The following ACAA2 variants were observed in gnomAD, a reference collection of about 807,000 sequenced individuals.
ACAA2 encodes 3-ketoacyl-CoA thiolase, mitochondrial.
Under a neutral mutation model 44.8 loss-of-function variants are expected in ACAA2, and 35 were observed. That is an observed-to-expected ratio of 0.78 (90% CI 0.60 to 1.04). The LOEUF is 1.04. Among genes scored for constraint, ACAA2 ranks in the 50% least tolerant of loss-of-function variants. The pLI is 0.00. For missense variants in ACAA2, 468 were observed against 482.6 expected (o/e 0.97, Z 0.28); for synonymous variants, 142 against 166.5 (o/e 0.85, Z 1.13).
chr18:49,789,504 G>C (rs1162938333), intron 7 of ACAA2, among the ~76,000 whole-genome samples: 1 of 152,110 alleles, frequency 6.6e-6, no homozygotes, highest in Non-Finnish European at 1.5e-5. Flanking sequence ...TTGTACTTTA[G>C]GGCAAATATT....
intron 1 of ACAA2, among the ~76,000 whole-genome samples, chr18:49,803,852 T>C (rs2023583888): frequency 6.6e-6 from 1 of 151,628 alleles, no homozygotes; most frequent in African/African-American, 2.4e-5. Context: ...TAAGAGGGCA[T>C]ACTCTACTGC....
At chr18:49,787,233 TA>T in intron 8 of ACAA2, 57 bp downstream of exon 8, 1 of 1,220,516 alleles carries the variant, frequency 8.2e-7, no homozygotes. Context: ...ATTTATGCTA[TA>T]AAAGTACATG....
chr18:49,787,260 T>TTAAAAA lies in ACAA2; in HGVS notation c.954+30_954+31insTTTTTA. 2.9e-6 allele frequency: 3 copies of TTAAAAA among 1,028,160 alleles called. No homozygotes were observed. The South Asian group carries it at 6.7e-5, about 23-fold the overall frequency. 63.7% of individuals were successfully genotyped at this position (1,028,160 alleles called of 1,614,324 possible). ...AAAGTACATGGTTTATTCATGTTGT[T>TTAAAAA]AAAAAAAAAAAAAAAAAAAAAAACA... is the stretch of plus-strand genomic sequence containing the variant. On this transcript the variant is annotated intron_variant, in intron 8 of 9. Coordinates refer to ENST00000285093, the MANE Select transcript of ACAA2 (RefSeq NM_006111.3).
At chr18:49,793,153 G>C (rs1262487098) in intron 5 of ACAA2, among the ~76,000 whole-genome samples, 3 of 152,100 alleles carry the variant, frequency 2.0e-5, no homozygotes, top group Non-Finnish European at 4.4e-5. Flanking sequence ...ACTTAATAGT[G>C]ATAGGCAACC....
chr18:49,800,475 G>T lies in ACAA2; in HGVS notation c.183+2212C>A, dbSNP rs566748083. Among the ~76,000 whole-genome samples the T allele has an allele frequency of 2.6e-5, 4 of 152,328 alleles. No homozygotes were observed. In the South Asian group the frequency reaches 8.3e-4, roughly 32 times the overall value. ...AGAAAGGGGGGAAAGGTGGGGAAGGGATTGAGAAATCGGATGGTTGCCGTG... is the reference window on the plus strand; with the variant it reads ...AGAAAGGGGGGAAAGGTGGGGAAGGTATTGAGAAATCGGATGGTTGCCGTG... On this transcript the variant is annotated intron_variant, in intron 2 of 9. Transcript: ENST00000285093.
intron 5 of ACAA2, among the ~76,000 whole-genome samples, chr18:49,793,362 C>T (rs1217817569): frequency 1.3e-5 from 2 of 152,130 alleles, no homozygotes; most frequent in Non-Finnish European, 2.9e-5. Context: ...TTTAAAACAA[C>T]CTTATTAGAT....
At position 49,802,672 on chromosome 18, in the gene ACAA2, C is replaced by A. The variant is rs1353251227; in HGVS notation, c.183+15G>T. On this transcript the variant is annotated intron_variant, in intron 2 of 9. Transcript: ENST00000285093. ...AGAAGCAATAGGAGTGAACACCTTC[C>A]TTTACTCTACTAACCTGCAGGACAT... The A allele has an allele frequency of 6.2e-7, 1 of 1,607,224 alleles. No homozygotes were observed. The highest frequency in any genetic ancestry group is 8.5e-7 in the Non-Finnish European group (1 of 1,177,208).
chr18:49,805,922 C>T (rs1370774198), intron 1 of ACAA2, among the ~76,000 whole-genome samples: 1 of 152,064 alleles, frequency 6.6e-6, no homozygotes, highest in Non-Finnish European at 1.5e-5. Flanking sequence ...ATTCTTCTTT[C>T]CTCTTTCCAT....
rs114836888 is a variant in ACAA2 at position 49,788,397 on chromosome 18, A to G, written c.884-1036T>C. Among the ~76,000 whole-genome samples, 1,447 of 152,310 alleles carry G rather than the reference A, an allele frequency of 9.5e-3. 38 individuals carry two copies. In the South Asian group the frequency reaches 0.12, roughly 12 times the overall value. ...AAAGGCATAATGAAACCTAAATATA[A>G]TATTTATTTTGTCACGTAGTTAAAA... On this transcript the variant is annotated intron_variant, in intron 7 of 9. Transcript: ENST00000285093.
At chr18:49,791,043 T>C (rs2023392336) in intron 7 of ACAA2, among the ~76,000 whole-genome samples, 1 of 152,214 alleles carries the variant, frequency 6.6e-6, no homozygotes, top group African/African-American at 2.4e-5. Flanking sequence ...GAAGACTGAA[T>C]GTGTGTAAAA....
chr18:49,790,924 C>T (rs2023390743), intron 7 of ACAA2, among the ~76,000 whole-genome samples: 1 of 152,214 alleles, frequency 6.6e-6, no homozygotes, highest in African/African-American at 2.4e-5. Context: ...TTCAGAGAGA[C>T]TTGGATTCAC....
chr18:49,791,458 C>T lies in ACAA2; in HGVS notation c.883+12G>A. 6.2e-7 allele frequency: 1 copy of T among 1,608,642 alleles called. No homozygotes were observed. Among genetic ancestry groups the T allele is most frequent in the Non-Finnish European group, 8.5e-7 (1 of 1,177,640 alleles). On this transcript the variant is annotated intron_variant, in intron 7 of 9. Transcript: ENST00000285093. Reference sequence around the variant, plus strand: ...AATATTATAGAACCAGTTTGTTTTACTATAAACTTACCAATACCCATGATA... The same window carrying T: ...AATATTATAGAACCAGTTTGTTTTATTATAAACTTACCAATACCCATGATA...
intron 1 of ACAA2, among the ~76,000 whole-genome samples, chr18:49,803,318 A>G (rs1165838293): frequency 6.6e-6 from 1 of 151,292 alleles, no homozygotes; most frequent in Non-Finnish European, 1.5e-5. Flanking sequence ...GTTATCTGTA[A>G]TTTCCAGACA....
chr18:49,787,454 G>T, intron 7 of ACAA2, 93 bp from the exon 8 acceptor site: 1 of 912,360 alleles, frequency 1.1e-6, no homozygotes, highest in Non-Finnish European at 1.5e-6. Context: ...AAGTAAGGAA[G>T]AAATAATGCG....
At chr18:49,813,439 G>T in intron 1 of ACAA2, 30 bp downstream of exon 1, 1 of 1,238,236 alleles carries the variant, frequency 8.1e-7, no homozygotes, top group Non-Finnish European at 1.0e-6. Context: ...ACCCCGAGGG[G>T]CGAGGAGAGG....
intron 2 of ACAA2, 134 bp from the exon 3 acceptor site, chr18:49,797,728 A>T: frequency 1.6e-6 from 1 of 610,244 alleles, no homozygotes; most frequent in Non-Finnish European, 2.7e-6. Flanking sequence ...GACAAAATGC[A>T]TCTAAGTACA....
At chr18:49,790,219 A>G (rs1361796507) in intron 7 of ACAA2, among the ~76,000 whole-genome samples, 2 of 152,238 alleles carry the variant, frequency 1.3e-5, no homozygotes, top group African/African-American at 2.4e-5. Context: ...ATATGTGTCA[A>G]AATATCTTGC....
intron 1 of ACAA2, among the ~76,000 whole-genome samples, chr18:49,803,239 A>AAATAATAATAATAATAAT (rs10639158): frequency 3.2e-4 from 46 of 142,384 alleles, no homozygotes; most frequent in East Asian, 4.1e-4. Context: ...CTGGTAGTTA[A>AAATAATAATAATAATAAT]AATAATAATA....
At chr18:49,789,819 G>A (rs2023377300) in intron 7 of ACAA2, among the ~76,000 whole-genome samples, 2 of 151,992 alleles carry the variant, frequency 1.3e-5, no homozygotes, top group Non-Finnish European at 1.5e-5. Context: ...CCCTGTCTCT[G>A]CTAAAAATAC....
Sources: allele counts gnomAD v4.1 joint callset (sites outside exome capture counted in the v4.1 genomes callset), GRCh38; gene constraint gnomAD v4.1.1; transcripts MANE v1.5; gene names NCBI Gene and HGNC (gene_info 2026-07-23, HGNC 2026-07-21).